STK32C: variants seen among roughly 807,000 people sequenced by gnomAD.
STK32C encodes the protein serine/threonine kinase 32C.
STK32C carries 31 observed loss-of-function variants against 56.5 expected under a neutral mutation model. The observed-to-expected ratio is 0.55, with a 90% CI of 0.41 to 0.74. STK32C has a LOEUF of 0.74. Ranked by LOEUF, STK32C falls within the 30% of genes least tolerant of loss-of-function variation. STK32C has a pLI of 0.00. For missense variants in STK32C, 544 were observed against 676.9 expected, an observed-to-expected ratio of 0.80 and a Z score of 2.18; for synonymous variants, 309 against 289.4, an observed-to-expected ratio of 1.07 and a Z score of -0.69.
At chr10:132,321,518 T>A (rs1053121626), downstream of STK32C, among the ~76,000 whole-genome samples, 1 of 152,094 alleles carries the variant, frequency 6.6e-6, no homozygotes, top group South Asian at 2.1e-4. Flanking sequence ...CACCCTCTGG[T>A]CTGTAACCTC....
intron 10 of STK32C, among the ~76,000 whole-genome samples, chr10:132,209,659 C>T (rs67267623): frequency 0.038 from 5,067 of 134,726 alleles, 394 homozygotes; most frequent in East Asian, 0.37. Context: ...CTTCCCAGGA[C>T]GCAGGGGTCG....
At chr10:132,312,585 G>C (rs1056397222), upstream of STK32C, among the ~76,000 whole-genome samples, 3 of 152,176 alleles carry the variant, frequency 2.0e-5, no homozygotes, top group Admixed American at 2.0e-4. Flanking sequence ...TCGGTCCCAA[G>C]TAAGTTCAAA....
intron 1 of STK32C, among the ~76,000 whole-genome samples, chr10:132,328,255 G>A (rs778155019): frequency 6.6e-6 from 1 of 152,110 alleles, no homozygotes; most frequent in Non-Finnish European, 1.5e-5. Flanking sequence ...GGTCAGGTTG[G>A]AGATGGACTC....
intron 2 of STK32C, among the ~76,000 whole-genome samples, chr10:132,233,899 T>C (rs1307138202): frequency 6.6e-6 from 1 of 152,250 alleles, no homozygotes; most frequent in African/African-American, 2.4e-5. Context: ...CCTCAGCTGC[T>C]TCATGCTGGC....
chr10:132,260,885 C>T (rs1049061431), intron 1 of STK32C, among the ~76,000 whole-genome samples: 1 of 152,210 alleles, frequency 6.6e-6, no homozygotes, highest in Admixed American at 6.5e-5. Context: ...GGACAGGCTG[C>T]GAGGTCAGCG....
chr10:132,209,960 C>T (rs1315117096), intron 10 of STK32C, among the ~76,000 whole-genome samples: 1 of 152,176 alleles, frequency 6.6e-6, no homozygotes, highest in African/African-American at 2.4e-5. Context: ...ACAGCCAAGG[C>T]CCTGGGAGGG....
At chr10:132,259,935 G>A (rs191519711) in intron 1 of STK32C, among the ~76,000 whole-genome samples, 10 of 152,342 alleles carry the variant, frequency 6.6e-5, no homozygotes, top group Middle Eastern at 3.4e-3. Flanking sequence ...GGCTTCGCAG[G>A]GCAGGGGTTG....
chr10:132,227,946 T>A (rs755053211), intron 3 of STK32C, 31 bp downstream of exon 3: 2 of 1,609,158 alleles, frequency 1.2e-6, no homozygotes, highest in Non-Finnish European at 1.7e-6. Context: ...GGACGGTAAG[T>A]CTTTCTGCAG....
At chr10:132,291,578 C>T (rs558947313) in intron 1 of STK32C, among the ~76,000 whole-genome samples, 74 of 152,212 alleles carry the variant, frequency 4.9e-4, no homozygotes, top group Non-Finnish European at 9.4e-4. Flanking sequence ...GGCCTGGAGC[C>T]TTCCAGAGTG....
chr10:132,234,346 A>G (rs1469303218), intron 2 of STK32C, among the ~76,000 whole-genome samples: 1 of 152,104 alleles, frequency 6.6e-6, no homozygotes, highest in East Asian at 1.9e-4. Flanking sequence ...AGGCACCTCC[A>G]CGTCCCTTCC....
At chr10:132,224,718 G>A (rs868066325) in intron 7 of STK32C, among the ~76,000 whole-genome samples, 195 bp from the exon 8 acceptor site, 14 of 152,006 alleles carry the variant, frequency 9.2e-5, no homozygotes, top group Admixed American at 1.3e-4. Flanking sequence ...TGGGTCCTGC[G>A]CCCTGGCTGC....
At chr10:132,231,389 C>G (rs935577593) in intron 2 of STK32C, among the ~76,000 whole-genome samples, 1 of 152,246 alleles carries the variant, frequency 6.6e-6, no homozygotes, top group African/African-American at 2.4e-5. Flanking sequence ...GGGTTACACT[C>G]AGGTCTCCCG....
intron 1 of STK32C, among the ~76,000 whole-genome samples, chr10:132,305,787 C>T (rs1446671702): frequency 6.6e-6 from 1 of 152,236 alleles, no homozygotes; most frequent in African/African-American, 2.4e-5. Flanking sequence ...GAAGCGGTCA[C>T]CGCCCAGAGA....
intron 2 of STK32C, among the ~76,000 whole-genome samples, chr10:132,243,398 G>C (rs567561036): frequency 1.3e-5 from 2 of 152,290 alleles, no homozygotes; most frequent in South Asian, 4.1e-4. Flanking sequence ...CGGGGGTGGA[G>C]AGTGGGCTGG....
intron 1 of STK32C, among the ~76,000 whole-genome samples, chr10:132,306,666 C>G (rs1214844107): frequency 6.6e-6 from 1 of 152,210 alleles, no homozygotes; most frequent in African/African-American, 2.4e-5. Context: ...CCTCTGCACG[C>G]TATCTATAAA....
intron 1 of STK32C, among the ~76,000 whole-genome samples, chr10:132,274,127 C>T (rs1419098339): frequency 6.6e-6 from 1 of 152,230 alleles, no homozygotes; most frequent in Admixed American, 6.5e-5. Context: ...CATCAGTCTG[C>T]AGATGCCTGC....
rs114451920 is a variant in STK32C at position 132,229,097 on chromosome 10, G to A, written c.319-969C>T. 2.6e-3 allele frequency among the ~76,000 whole-genome samples: 402 copies of A among 152,360 alleles called. 2 individuals are homozygous for A. The highest frequency in any genetic ancestry group is 9.3e-3 in the African/African-American group (386 of 41,590). On this transcript the variant is annotated intron_variant, in intron 2 of 11. Transcript: ENST00000298630. ...GTGGCCAAGGATGTCAATCAGAATTGAGGATGAAGATCCCCAAAGGGAAGC... is the reference window on the plus strand; with the variant it reads ...GTGGCCAAGGATGTCAATCAGAATTAAGGATGAAGATCCCCAAAGGGAAGC...
chr10:132,260,385 G>A (rs374514137), intron 1 of STK32C, among the ~76,000 whole-genome samples: 5 of 152,192 alleles, frequency 3.3e-5, no homozygotes, highest in African/African-American at 1.2e-4. Flanking sequence ...CCAAGCCGGA[G>A]CCAGCGCGAA....
At chr10:132,279,191 A>G (rs1181223717) in intron 1 of STK32C, among the ~76,000 whole-genome samples, 3 of 152,204 alleles carry the variant, frequency 2.0e-5, no homozygotes, top group Admixed American at 2.0e-4. Flanking sequence ...AAAATTCATC[A>G]AGACCGATGT....
Sources: allele counts gnomAD v4.1 joint callset (sites outside exome capture counted in the v4.1 genomes callset), GRCh38; gene constraint gnomAD v4.1.1; transcripts MANE v1.5; gene names NCBI Gene and HGNC (gene_info 2026-07-23, HGNC 2026-07-21).